The following PAXBP1 variants were observed in gnomAD, a reference collection of about 807,000 sequenced individuals.
The protein encoded by PAXBP1 is PAX3- and PAX7-binding protein 1.
In PAXBP1, 44 loss-of-function variants were observed where a neutral mutation model predicts 119.9. The observed-to-expected ratio is 0.37, with a 90% confidence interval of 0.29 to 0.47. PAXBP1 has a LOEUF of 0.47. PAXBP1 is among the 20% of genes least tolerant of loss of function. The pLI, the probability that PAXBP1 is intolerant of heterozygous loss-of-function variation, is 0.99. For missense variants in PAXBP1, 898 were observed against 1,134.1 expected (o/e 0.79, Z 2.99); for synonymous variants, 393 against 406.6 (o/e 0.97, Z 0.40).
intron 12 of PAXBP1, 126 bp from the exon 13 acceptor site, chr21:32,745,039 C>T (rs1569156913): frequency 2.0e-6 from 2 of 1,011,852 alleles, no homozygotes. Context: ...AAGCTTTAGT[C>T]TTCTTTGTCC....
chr21:32,749,528 T>C (rs1343065895), intron 10 of PAXBP1, among the ~76,000 whole-genome samples: 1 of 152,064 alleles, frequency 6.6e-6, no homozygotes, highest in Non-Finnish European at 1.5e-5. Context: ...CCCAGATTAC[T>C]TGGGAAAAGG....
intron 10 of PAXBP1, among the ~76,000 whole-genome samples, chr21:32,749,612 G>A (rs1259296580): frequency 5.9e-5 from 9 of 152,030 alleles, no homozygotes; most frequent in African/African-American, 2.2e-4. Flanking sequence ...CTAATAGTGG[G>A]GACAGTCTAA....
At position 32,771,355 on chromosome 21, in the gene PAXBP1, C is replaced by T; in HGVS notation, c.314G>A (p.Ser105Asn). Reference sequence around the variant, plus strand: ...CTCCTCGTCCTGGAAGCTGAGCAGGCTGGCCCGGGGCACCTCTTTGTTCTC... The same window carrying T: ...CTCCTCGTCCTGGAAGCTGAGCAGGTTGGCCCGGGGCACCTCTTTGTTCTC... Reference protein sequence around the residue: ...PRENKEVPRASLLSFQDEEEE... With the variant: ...PRENKEVPRANLLSFQDEEEE... The change falls in exon 1 of 18, where the codon AGC becomes AAC. Residue 105 changes from serine to asparagine, a missense_variant. Ser to Asn is a conservative substitution (Grantham distance 46). Around this residue, in one of 2 missense-constraint regions of PAXBP1, gnomAD observed 299 missense variants for 281.4 expected, o/e 1.06. Coordinates refer to ENST00000331923, the MANE Select transcript of PAXBP1 (RefSeq NM_016631.4). 1.3e-6 allele frequency: 2 copies of T among 1,585,906 alleles called. No individual in the cohort carries two copies. The highest frequency in any genetic ancestry group is 1.4e-5 in the African/African-American group (1 of 72,962).
Position 32,769,077 on chromosome 21 carries a change from G to A in PAXBP1, c.472+737C>T, listed in dbSNP as rs542227990. ...TTATGAGATATTGTCTTCACATCTA[G>A]ATTGTAAATTTGAGATACAAAGCCA... On this transcript the variant is annotated intron_variant, in intron 2 of 17. Transcript: ENST00000331923. Among the ~76,000 whole-genome samples the A allele has an allele frequency of 2.9e-4, 44 of 152,290 alleles. No individual in the cohort carries two copies. In the South Asian group the frequency reaches 3.1e-3, roughly 11 times the overall value.
At chr21:32,737,210 A>G (rs755573141) in intron 17 of PAXBP1, 44 bp downstream of exon 17, 2 of 1,389,306 alleles carry the variant, frequency 1.4e-6, no homozygotes, top group African/African-American at 2.9e-5. Context: ...TAAATCTGGC[A>G]ACTAAACAAC....
chr21:32,752,456 G>A (rs1047175901), intron 8 of PAXBP1, among the ~76,000 whole-genome samples: 3 of 152,122 alleles, frequency 2.0e-5, no homozygotes, highest in African/African-American at 7.2e-5. Flanking sequence ...TGGGTGAGAG[G>A]GGAGGGAGGT....
chr21:32,765,656 T>C (rs534074960), intron 2 of PAXBP1, among the ~76,000 whole-genome samples: 67 of 152,180 alleles, frequency 4.4e-4, no homozygotes, highest in Non-Finnish European at 8.8e-4. Flanking sequence ...CCCTCCCCTC[T>C]TTTTAACTTT....
intron 17 of PAXBP1, among the ~76,000 whole-genome samples, chr21:32,735,859 G>C (rs1050483401): frequency 1.3e-5 from 2 of 152,182 alleles, no homozygotes; most frequent in African/African-American, 2.4e-5. Context: ...CTCTTCTACA[G>C]AATTGTAGTA....
intron 11 of PAXBP1, among the ~76,000 whole-genome samples, chr21:32,747,866 C>T (rs896412507): frequency 3.3e-5 from 5 of 151,556 alleles, no homozygotes; most frequent in Non-Finnish European, 5.9e-5. Flanking sequence ...TAGCTCATTA[C>T]AGCCTTGATC....
Position 32,734,770 on chromosome 21 carries a change from A to G in PAXBP1, c.*180T>C. On this transcript the variant is annotated 3_prime_UTR_variant, in exon 18 of 18. Transcript: ENST00000331923. ...GTAAAGAAAACATTCATAGACTCCT[A>G]GAAATAATCTGAATTCCTTTCATTC... 1 of 622,226 alleles carries G rather than the reference A, an allele frequency of 1.6e-6. No homozygotes were observed. Among genetic ancestry groups the G allele is most frequent in the Non-Finnish European group, 2.8e-6 (1 of 352,586 alleles). The allele number at this position is 622,226 out of a possible 1,614,324, so 38.5% of individuals were successfully genotyped here.
intron 7 of PAXBP1, among the ~76,000 whole-genome samples, chr21:32,758,834 T>G (rs1289159368): frequency 1.3e-5 from 2 of 152,084 alleles, no homozygotes; most frequent in East Asian, 3.9e-4. Context: ...AAATAAGACT[T>G]TCCAAAGTCT....
At chr21:32,752,656 T>C (rs1487187121) in intron 8 of PAXBP1, among the ~76,000 whole-genome samples, 5 of 152,366 alleles carry the variant, frequency 3.3e-5, no homozygotes, top group African/African-American at 4.8e-5. Context: ...ATTTATTTAT[T>C]GAGACGGAGT....
Position 32,734,834 on chromosome 21 carries a change from T to C in PAXBP1, c.*116A>G. The C allele has an allele frequency of 1.3e-6, 1 of 757,542 alleles. No individual in the cohort carries two copies. 46.9% of individuals were successfully genotyped at this position (757,542 alleles called of 1,614,324 possible). A position where few individuals can be genotyped will look rare whatever the true frequency, so the allele number is the denominator to read the frequency against. On this transcript the variant is annotated 3_prime_UTR_variant, in exon 18 of 18. Coordinates refer to ENST00000331923, the MANE Select transcript of PAXBP1 (RefSeq NM_016631.4). ...TTTAAGGACACAGTATTGAATATAA[T>C]GTTTTTTGTATTAAAACAAGAATTG...
Position 32,771,461 on chromosome 21 carries a change from C to T in PAXBP1, c.208G>A (p.Gly70Ser), listed in dbSNP as rs1223238448. Residue 70 changes from glycine (G) to serine (S), a missense_variant, in exon 1 of 18, where the codon GGC becomes AGC. By Grantham distance (56) the Gly-to-Ser change is moderately conservative. This residue lies in a region of PAXBP1 where 299 missense variants were observed against 281.4 expected (regional missense o/e 1.06). Coordinates refer to ENST00000331923, the MANE Select transcript of PAXBP1 (RefSeq NM_016631.4). Reference protein sequence around the residue: ...GPSPPSALTPGLGAEAGGGFP... With the variant: ...GPSPPSALTPSLGAEAGGGFP... ...CCGCCCCCGGCCTCAGCCCCGAGGC[C>T]CGGGGTCAGCGCGGAAGGCGGCGAC... 9 of 1,392,112 alleles carry T rather than the reference C, an allele frequency of 6.5e-6. No homozygotes were observed. The highest frequency in any genetic ancestry group is 1.5e-5 in the African/African-American group (1 of 66,014). The allele number at this position is 1,392,112 out of a possible 1,614,324, so 86.2% of individuals were successfully genotyped here.
intron 8 of PAXBP1, among the ~76,000 whole-genome samples, chr21:32,754,005 T>C (rs1283554692): frequency 6.6e-6 from 1 of 152,214 alleles, no homozygotes; most frequent in African/African-American, 2.4e-5. Context: ...ATGAGTCATG[T>C]AGGTGGCTAA....
rs368819697 is a variant in PAXBP1 at position 32,755,713 on chromosome 21, A to C, written c.1384-360T>G. On this transcript the variant is annotated intron_variant, in intron 7 of 17. Transcript: ENST00000331923. ...TTTTAATATCTATTTTTAATTTTCC[A>C]GCAGCATTATCTGCATTGCGATTTT... 6.8e-5 allele frequency: 11 copies of C among 161,010 alleles called. No homozygotes were observed. The East Asian group carries it at 1.8e-3, about 27-fold the overall frequency. The allele number at this position is 161,010 out of a possible 1,614,324, so 10.0% of individuals were successfully genotyped here.
chr21:32,742,798 T>C (rs2043807868), intron 15 of PAXBP1: 2 of 315,756 alleles, frequency 6.3e-6, no homozygotes, highest in Non-Finnish European at 6.2e-6. Context: ...TATTAATAAC[T>C]GTTCTATTAT....
rs756477858 is a variant in PAXBP1 at position 32,739,938 on chromosome 21, TAAAAAAA to T, written c.2335-1626_2335-1620del. On this transcript the variant is annotated intron_variant, in intron 15 of 17. Transcript: ENST00000331923. Reference sequence around the variant, plus strand: ...TAGGCAACACAAGACCTCGTCTCTTTAAAAAAAAAAAAAAAAAAAAAAAAAAAAAGGC... The same window carrying T: ...TAGGCAACACAAGACCTCGTCTCTTTAAAAAAAAAAAAAAAAAAAAAAGGC... Among the ~76,000 whole-genome samples the T allele has an allele frequency of 2.8e-3, 132 of 47,046 alleles. 1 individual carries two copies. The highest frequency in any genetic ancestry group is 0.01 in the African/African-American group (111 of 10,984). The allele number at this position is 47,046 out of a possible 152,430, so 30.9% of individuals were successfully genotyped here.
At chr21:32,746,315 T>C (rs2043871201) in intron 11 of PAXBP1, among the ~76,000 whole-genome samples, 1 of 152,148 alleles carries the variant, frequency 6.6e-6, no homozygotes, top group African/African-American at 2.4e-5. Flanking sequence ...GAAACTATTA[T>C]CAGAGTGAAC....
Sources: allele counts gnomAD v4.1 joint callset (sites outside exome capture counted in the v4.1 genomes callset), GRCh38; gene constraint gnomAD v4.1.1; regional missense constraint gnomAD v4.1.1; transcripts MANE v1.5; gene names NCBI Gene and HGNC (gene_info 2026-07-23, HGNC 2026-07-21).